Variants in KLHL29 observed in about 807,000 individuals in gnomAD.
KLHL29 encodes the protein kelch-like protein 29.
KLHL29 carries 21 observed loss-of-function variants against 80.4 expected under a neutral mutation model. The observed-to-expected ratio is 0.26, with a 90% CI of 0.19 to 0.38. KLHL29 has a LOEUF of 0.38. Among genes scored for constraint, KLHL29 ranks in the 10% least tolerant of loss-of-function variants. The pLI is 1.00. For synonymous variants in KLHL29, 511 were observed against 526.8 expected (o/e 0.97, Z 0.41); for missense variants, 867 against 1,223.9 (o/e 0.71, Z 4.35).
chr2:23,460,534 TG>T (rs1026283078), intron 1 of KLHL29, among the ~76,000 whole-genome samples: 2 of 151,982 alleles, frequency 1.3e-5, no homozygotes, highest in African/African-American at 4.8e-5. Context: ...CAAACAAGAA[TG>T]GGGTGAAAAT....
In KLHL29 at chr2:23,420,841, G is replaced by A. The variant is rs565160932; in HGVS notation, c.-154+35061G>A. Among the ~76,000 whole-genome samples the A allele has an allele frequency of 1.8e-4, 28 of 152,220 alleles. No individual in the cohort carries two copies. The South Asian group carries it at 5.2e-3, about 28-fold the overall frequency. On this transcript the variant is annotated intron_variant, in intron 1 of 13. Coordinates refer to ENST00000486442, the MANE Select transcript of KLHL29 (RefSeq NM_052920.2). ...CAGTCACTATGAGTGGCACATGTACGACTCATCTTTCCGCCACCCCCCCAC... is the reference window on the plus strand; with the variant it reads ...CAGTCACTATGAGTGGCACATGTACAACTCATCTTTCCGCCACCCCCCCAC...
chr2:23,548,510 G>A (rs1374594291), intron 2 of KLHL29, among the ~76,000 whole-genome samples: 1 of 152,162 alleles, frequency 6.6e-6, no homozygotes, highest in African/African-American at 2.4e-5. Flanking sequence ...GGCTTGCTTT[G>A]GCCAATGACA....
At position 23,588,209 on chromosome 2, in the gene KLHL29, C is replaced by T. The variant is rs146965869; in HGVS notation, c.285+25728C>T. Among the ~76,000 whole-genome samples the T allele has an allele frequency of 2.4e-3, 367 of 152,276 alleles. 1 individual carries two copies. Among genetic ancestry groups the T allele is most frequent in the Middle Eastern group, 6.8e-3 (2 of 294 alleles). On this transcript the variant is annotated intron_variant, in intron 3 of 13. Transcript: ENST00000486442. ...CTCCTGGCCTCCCTGCCACCCAGCC[C>T]GGCATGAAGCTGAACATCGAGTGGG...
chr2:23,445,598 C>A (rs550241383), intron 1 of KLHL29, among the ~76,000 whole-genome samples: 1 of 152,196 alleles, frequency 6.6e-6, no homozygotes, highest in Admixed American at 6.5e-5. Context: ...CATGTCATTT[C>A]GTACATGTGA....
intron 3 of KLHL29, among the ~76,000 whole-genome samples, chr2:23,619,291 C>A (rs1298985513): frequency 2.6e-5 from 4 of 152,156 alleles, no homozygotes; most frequent in Non-Finnish European, 5.9e-5. Context: ...GGGGCTGGAT[C>A]GAGAGCGGGC....
intron 1 of KLHL29, among the ~76,000 whole-genome samples, chr2:23,392,522 T>C (rs1666343341): frequency 6.6e-6 from 1 of 152,236 alleles, no homozygotes; most frequent in Non-Finnish European, 1.5e-5. Flanking sequence ...AATAATAGCT[T>C]CCAGTTATGG....
In KLHL29 at chr2:23,700,759, C is replaced by T. The variant is rs186232160; in HGVS notation, c.2106-2427C>T. 1.2e-3 allele frequency among the ~76,000 whole-genome samples: 188 copies of T among 152,266 alleles called. 1 individual carries two copies. Among genetic ancestry groups the T allele is most frequent in the African/African-American group, 4.3e-3 (177 of 41,558 alleles). On this transcript the variant is annotated intron_variant, in intron 11 of 13. Coordinates refer to ENST00000486442, the MANE Select transcript of KLHL29 (RefSeq NM_052920.2). This position sits in a 1 kb window ranked among gnomAD's most constrained non-coding sequence, Gnocchi z 4.6. ...CAAATGGGTTCTGCACCTCTTGTTC[C>T]GGTTGAAGTGCCCTTGACTACAGAG...
intron 5 of KLHL29, chr2:23,643,220 C>T (rs931501670): frequency 4.3e-5 from 18 of 413,942 alleles, no homozygotes; most frequent in South Asian, 2.1e-4. Context: ...CTCAGGGCAC[C>T]GCAGAACAGT....
intron 2 of KLHL29, among the ~76,000 whole-genome samples, chr2:23,525,011 A>T (rs1343795289): frequency 3.3e-5 from 5 of 152,218 alleles, no homozygotes; most frequent in African/African-American, 1.2e-4. Context: ...TCTGGCTCGT[A>T]AGAATACATA....
At chr2:23,481,108 A>T (rs948801378) in intron 2 of KLHL29, among the ~76,000 whole-genome samples, 1 of 152,188 alleles carries the variant, frequency 6.6e-6, no homozygotes, top group Non-Finnish European at 1.5e-5. Context: ...TCTCATACCC[A>T]GGCTACATAC....
chr2:23,446,005 G>A (rs115714113), intron 1 of KLHL29, among the ~76,000 whole-genome samples: 104 of 152,154 alleles, frequency 6.8e-4, no homozygotes, highest in Non-Finnish European at 1.3e-3. Flanking sequence ...ATTGCAAATG[G>A]TTTCCTTTCT....
At chr2:23,678,883 A>C (rs1670995708) in intron 5 of KLHL29, among the ~76,000 whole-genome samples, 1 of 152,120 alleles carries the variant, frequency 6.6e-6, no homozygotes, top group East Asian at 1.9e-4. Flanking sequence ...CAGAAAGTAG[A>C]ATGGTGGTTG....
chr2:23,608,783 T>C (rs1451756073), intron 3 of KLHL29, among the ~76,000 whole-genome samples: 1 of 152,226 alleles, frequency 6.6e-6, no homozygotes, highest in Non-Finnish European at 1.5e-5. Context: ...CCAACTCATA[T>C]TAATTAAAAA....
chr2:23,688,885 G>A (rs1414860762), intron 6 of KLHL29: 3 of 152,374 alleles, frequency 2.0e-5, no homozygotes, highest in Non-Finnish European at 4.4e-5. Context: ...TGTGGAGGAC[G>A]CAGCCCTCGT....
At chr2:23,464,632 G>A (rs1479511857) in intron 1 of KLHL29, among the ~76,000 whole-genome samples, 1 of 152,118 alleles carries the variant, frequency 6.6e-6, no homozygotes, top group Non-Finnish European at 1.5e-5. Context: ...GGCACACGTG[G>A]CCTCCCCACT....
At chr2:23,407,523 A>G (rs770796470) in intron 1 of KLHL29, among the ~76,000 whole-genome samples, 4 of 151,936 alleles carry the variant, frequency 2.6e-5, no homozygotes, top group Admixed American at 6.6e-5. Flanking sequence ...ACCTTTTGGT[A>G]TAATGTTGGA....
At chr2:23,541,681 G>A (rs971378357) in intron 2 of KLHL29, among the ~76,000 whole-genome samples, 1 of 151,812 alleles carries the variant, frequency 6.6e-6, no homozygotes, top group Non-Finnish European at 1.5e-5. Context: ...TGCTGGTCTC[G>A]GACACAGTGC....
In KLHL29 at chr2:23,582,109, C is replaced by T. The variant is rs757724500; in HGVS notation, c.285+19628C>T. On this transcript the variant is annotated intron_variant, in intron 3 of 13. Transcript: ENST00000486442. ...GGCAAAACAGCTCCTATCAGCCTCA[C>T]GCCTCCAGTGACTCCCAGCGCCAAT... is the stretch of plus-strand genomic sequence containing the variant. 9.2e-5 allele frequency among the ~76,000 whole-genome samples: 14 copies of T among 152,250 alleles called. No homozygotes were observed. The South Asian group carries it at 2.3e-3, about 25-fold the overall frequency.
intron 3 of KLHL29, among the ~76,000 whole-genome samples, chr2:23,573,860 A>G (rs1667778099): frequency 6.6e-6 from 1 of 152,164 alleles, no homozygotes; most frequent in Non-Finnish European, 1.5e-5. Context: ...TTTGCCCCCA[A>G]GACATAGTGC....
Sources: allele counts gnomAD v4.1 joint callset (sites outside exome capture counted in the v4.1 genomes callset), GRCh38; gene constraint gnomAD v4.1.1; non-coding constraint Gnocchi (gnomAD v3.1); transcripts MANE v1.5; gene names NCBI Gene and HGNC (gene_info 2026-07-23, HGNC 2026-07-21).